The following JPT2 variants were observed in gnomAD, a reference collection of about 807,000 sequenced individuals.
JPT2 encodes Jupiter microtubule associated homolog 2.
Under a neutral mutation model 15.9 loss-of-function variants are expected in JPT2, and 9 were observed. That is an observed-to-expected ratio of 0.57 (90% CI 0.34 to 0.99). The LOEUF is 0.99. Ranked by LOEUF, JPT2 falls within the 50% of genes least tolerant of loss-of-function variation. The probability of loss-of-function intolerance (pLI) is 0.02; values close to 1 mark genes in which losing one functional copy is unlikely to be tolerated. For missense variants in JPT2, 267 were observed against 252.1 expected (o/e 1.06, Z -0.40); for synonymous variants, 95 against 91.7 (o/e 1.04, Z -0.21).
intron 1 of JPT2, among the ~76,000 whole-genome samples, chr16:1,683,033 A>T (rs528706002): frequency 2.4e-3 from 359 of 152,290 alleles, no homozygotes; most frequent in Admixed American, 4.1e-3. Flanking sequence ...GCTGGAATGC[A>T]GTGGCGCATC....
chr16:1,698,840 C>T lies in JPT2; in HGVS notation c.415C>T (p.Pro139Ser). Reference sequence around the variant, plus strand: ...AAGGAGCATCCCGGCTGGAGCAGAGCCAGGTGAGAAAGGCAGCGCCAGAAA... The same window carrying T: ...AAGGAGCATCCCGGCTGGAGCAGAGTCAGGTGAGAAAGGCAGCGCCAGAAA... ...AARSIPAGAE[P>S]GEKGSARKAG... Residue 139 changes from proline (P) to serine (S), a missense_variant, in exon 5 of 5, where the codon CCA becomes TCA. Pro to Ser is a moderately conservative substitution (Grantham distance 74). Transcript: ENST00000248098. The surrounding 1 kb of genome is among the most constrained non-coding windows in gnomAD (Gnocchi z 4.9). 6.2e-7 allele frequency: 1 copy of T among 1,613,822 alleles called. No individual in the cohort carries two copies.
At position 1,698,415 on chromosome 16, in the gene JPT2, A is replaced by G. The variant is rs1319609898; in HGVS notation, c.386-396A>G. 6.6e-6 allele frequency among the ~76,000 whole-genome samples: 1 copy of G among 152,200 alleles called. No individual in the cohort carries two copies. Among genetic ancestry groups the G allele is most frequent in the Non-Finnish European group, 1.5e-5 (1 of 68,036 alleles). The stretch of plus-strand genomic sequence containing the variant: ...CCTTTGAAAAGCCCAGGGTAACAGC[A>G]ACAGAGCCTGCCTTTGCCTTGCTAA... On this transcript the variant is annotated intron_variant, in intron 4 of 4. Transcript: ENST00000248098. The surrounding 1 kb of genome is among the most constrained non-coding windows in gnomAD (Gnocchi z 4.9).
At position 1,678,334 on chromosome 16, in the gene JPT2, G is replaced by A. The variant is rs1016060636; in HGVS notation, c.22G>A (p.Glu8Lys). MFQVPDS[E>K]GGRAGSRAMK... is the part of the protein sequence containing the mutation. ...CGACATGTTCCAGGTCCCGGATAGCGAGGGCGGCCGCGCCGGCTCCAGGTG... is the reference window on the plus strand; with the variant it reads ...CGACATGTTCCAGGTCCCGGATAGCAAGGGCGGCCGCGCCGGCTCCAGGTG... The change falls in exon 1 of 5, where the codon GAG becomes AAG. Residue 8 changes from glutamate (E) to lysine (K), a missense_variant. By Grantham distance (56) the Glu-to-Lys change is moderately conservative. Transcript: ENST00000248098. 46 of 1,235,220 alleles carry A rather than the reference G, an allele frequency of 3.7e-5. No individual in the cohort carries two copies. The highest frequency in any genetic ancestry group is 2.7e-4 in the Middle Eastern group (1 of 3,762). 76.5% of individuals were successfully genotyped at this position (1,235,220 alleles called of 1,614,324 possible). A position where few individuals can be genotyped will look rare whatever the true frequency, so the allele number is the denominator to read the frequency against.
At position 1,685,341 on chromosome 16, in the gene JPT2, C is replaced by G. The variant is rs935060550; in HGVS notation, c.45-98C>G. ...AGACCTTGTCTCAAAAAGAAAAAAA[C>G]AAAATACTTTTACCCTGTCTAGTTG... On this transcript the variant is annotated intron_variant, in intron 1 of 4. Transcript: ENST00000248098. 179 of 1,337,682 alleles carry G rather than the reference C, an allele frequency of 1.3e-4. 1 individual carries two copies. The highest frequency in any genetic ancestry group is 3.2e-5 in the Non-Finnish European group (31 of 971,948). The allele number at this position is 1,337,682 out of a possible 1,614,324, so 82.9% of individuals were successfully genotyped here.
In JPT2 at chr16:1,698,295, C is replaced by T. The variant is rs993880719; in HGVS notation, c.385+435C>T. Among the ~76,000 whole-genome samples the T allele has an allele frequency of 6.6e-6, 1 of 152,208 alleles. No homozygotes were observed. The highest frequency in any genetic ancestry group is 2.4e-5 in the African/African-American group (1 of 41,456). On this transcript the variant is annotated intron_variant, in intron 4 of 4. Transcript: ENST00000248098. The surrounding 1 kb of genome is among the most constrained non-coding windows in gnomAD (Gnocchi z 4.9). The stretch of plus-strand genomic sequence containing the variant: ...AGGTTGAGCGGCAGACTTCGACTCT[C>T]CCCACGGCTCTTTAGCCTGACCATG...
chr16:1,691,260 T>A (rs1400629587), intron 2 of JPT2, among the ~76,000 whole-genome samples: 1 of 152,228 alleles, frequency 6.6e-6, no homozygotes, highest in African/African-American at 2.4e-5. Flanking sequence ...ACGCACATTT[T>A]CATTATGGCT....
At position 1,678,287 on chromosome 16, in the gene JPT2, G is replaced by A. The variant is rs1424506918; in HGVS notation, c.-26G>A. The A allele has an allele frequency of 4.0e-6, 5 of 1,235,806 alleles. No homozygotes were observed. The South Asian group carries it at 1.2e-4, about 30-fold the overall frequency. The allele number at this position is 1,235,806 out of a possible 1,614,324, so 76.6% of individuals were successfully genotyped here. ...GCTGGGCGGGCGGGAACGGCGCGCGGCGAGCTGAGGGTGGCGGCGGTCGAC... is the reference window on the plus strand; with the variant it reads ...GCTGGGCGGGCGGGAACGGCGCGCGACGAGCTGAGGGTGGCGGCGGTCGAC... On this transcript the variant is annotated 5_prime_UTR_variant, in exon 1 of 5. Transcript: ENST00000248098.
intron 1 of JPT2, among the ~76,000 whole-genome samples, chr16:1,682,649 G>A (rs1462789849): frequency 2.0e-5 from 3 of 151,254 alleles, no homozygotes; most frequent in Admixed American, 2.0e-4. Flanking sequence ...TCTGGCCTGG[G>A]CAACAAGAGC....
intron 1 of JPT2, among the ~76,000 whole-genome samples, chr16:1,682,726 T>G (rs2037033318): frequency 6.6e-6 from 1 of 151,926 alleles, no homozygotes; most frequent in South Asian, 2.1e-4. Context: ...AAAATGGATA[T>G]GGAAGTCAGA....
intron 2 of JPT2, among the ~76,000 whole-genome samples, chr16:1,687,111 T>A (rs1228535389): frequency 6.6e-6 from 1 of 152,146 alleles, no homozygotes; most frequent in Non-Finnish European, 1.5e-5. Flanking sequence ...GCCTCCTGAG[T>A]GGCTGGGACT....
intron 3 of JPT2, among the ~76,000 whole-genome samples, chr16:1,697,514 CAA>C (rs111429583): frequency 2.2e-4 from 25 of 115,752 alleles, no homozygotes; most frequent in East Asian, 2.4e-4. Flanking sequence ...CTCTTGTCTC[CAA>C]AAAAAAAAAA....
chr16:1,680,582 C>A, intron 1 of JPT2: 2 of 992,774 alleles, frequency 2.0e-6, no homozygotes, highest in Non-Finnish European at 2.5e-6. Flanking sequence ...GCAGGGCGGG[C>A]GCCTTGTAAG....
At chr16:1,692,215 G>A in intron 3 of JPT2, 1 of 585,642 alleles carries the variant, frequency 1.7e-6, no homozygotes, top group South Asian at 2.1e-5. Flanking sequence ...CTGTGCTGGT[G>A]GCGGACGCCC....
chr16:1,680,499 G>T, intron 1 of JPT2: 2 of 1,248,626 alleles, frequency 1.6e-6, no homozygotes, highest in Admixed American at 2.5e-5. Flanking sequence ...GGATGATGAG[G>T]TATCACTGGA....
At chr16:1,702,174 G>A (rs1400605081), downstream of JPT2, 3 of 455,928 alleles carry the variant, frequency 6.6e-6, no homozygotes, top group African/African-American at 6.0e-5. Context: ...CAGACTGTGA[G>A]CCTGAGAGTT....
intron 2 of JPT2, chr16:1,686,686 CAAAAAG>C (rs1175569818): frequency 7.0e-6 from 1 of 142,350 alleles, no homozygotes; most frequent in African/African-American, 2.6e-5. Context: ...GACTCCATCT[CAAAAAG>C]AAAAAAAAAA....
chr16:1,684,696 C>T (rs1197665093), intron 1 of JPT2, among the ~76,000 whole-genome samples: 1 of 151,764 alleles, frequency 6.6e-6, no homozygotes, highest in African/African-American at 2.4e-5. Flanking sequence ...GCTGAGATTG[C>T]GCCATTGCAT....
chr16:1,678,300 G>A lies in JPT2; in HGVS notation c.-13G>A, dbSNP rs977694006. 6.5e-6 allele frequency: 8 copies of A among 1,237,144 alleles called. No homozygotes were observed. Among genetic ancestry groups the A allele is most frequent in the African/African-American group, 3.1e-5 (2 of 64,214 alleles). The allele number at this position is 1,237,144 out of a possible 1,614,324, so 76.6% of individuals were successfully genotyped here. On this transcript the variant is annotated 5_prime_UTR_variant, in exon 1 of 5. Coordinates refer to ENST00000248098, the MANE Select transcript of JPT2 (RefSeq NM_144570.3). Reference sequence around the variant, plus strand: ...GAACGGCGCGCGGCGAGCTGAGGGTGGCGGCGGTCGACATGTTCCAGGTCC... The same window carrying A: ...GAACGGCGCGCGGCGAGCTGAGGGTAGCGGCGGTCGACATGTTCCAGGTCC...
rs2037183753 is a variant in JPT2 at position 1,702,066 on chromosome 16, G to T, written c.*3068G>T. 1 of 450,038 alleles carries T rather than the reference G, an allele frequency of 2.2e-6. No individual in the cohort carries two copies. The highest frequency in any genetic ancestry group is 4.5e-6 in the Non-Finnish European group (1 of 223,252). The allele number at this position is 450,038 out of a possible 1,614,324, so 27.9% of individuals were successfully genotyped here. On this transcript the variant is annotated 3_prime_UTR_variant, in exon 5 of 5. Transcript: ENST00000248098. ...GTGTAAAAAAATAAAATAAAAAACAGATTGGATGTCTTTCTTCTGATGTAT... is the reference window on the plus strand; with the variant it reads ...GTGTAAAAAAATAAAATAAAAAACATATTGGATGTCTTTCTTCTGATGTAT...
Sources: gnomAD v4.1 joint callset for allele counts (sites outside exome capture counted in the v4.1 genomes callset) on GRCh38, gnomAD v4.1.1 for gene constraint, Gnocchi (gnomAD v3.1) non-coding constraint, MANE v1.5 for transcripts, NCBI Gene and HGNC (gene_info 2026-07-23, HGNC 2026-07-21) for gene names.